The following HS6ST3 variants were observed in gnomAD, a reference collection of about 807,000 sequenced individuals.
HS6ST3 encodes heparan sulfate 6-O-sulfotransferase 3.
In HS6ST3, 12 loss-of-function variants were observed where a neutral mutation model predicts 36.7. The observed-to-expected ratio is 0.33, with a 90% CI of 0.21 to 0.53. HS6ST3 has a LOEUF of 0.53. Among genes scored for constraint, HS6ST3 ranks in the 20% least tolerant of loss-of-function variants. The probability of loss-of-function intolerance (pLI) is 0.95; values close to 1 mark genes in which losing one functional copy is unlikely to be tolerated. For synonymous variants in HS6ST3, 240 were observed against 257.5 expected, an observed-to-expected ratio of 0.93 and a Z score of 0.65; for missense variants, 584 against 640.9, an observed-to-expected ratio of 0.91 and a Z score of 0.96.
intron 1 of HS6ST3, among the ~76,000 whole-genome samples, chr13:96,154,064 G>T (rs1407797713): frequency 2.0e-5 from 3 of 152,006 alleles, no homozygotes; most frequent in Non-Finnish European, 4.4e-5. Flanking sequence ...AATAAAATGA[G>T]ATATTTTATA....
intron 1 of HS6ST3, among the ~76,000 whole-genome samples, chr13:96,583,204 CTT>C (rs71292889): frequency 3.8e-5 from 2 of 52,922 alleles, no homozygotes; most frequent in South Asian, 1.2e-3. Context: ...TTTTTCTTTT[CTT>C]TTTTTTTTTT....
At chr13:96,428,150 G>T (rs529150528) in intron 1 of HS6ST3, among the ~76,000 whole-genome samples, 1 of 152,018 alleles carries the variant, frequency 6.6e-6, no homozygotes, top group South Asian at 2.1e-4. Context: ...GATCAAGACT[G>T]TCCTGGCTTA....
chr13:96,617,949 A>G (rs1228918236), intron 1 of HS6ST3, among the ~76,000 whole-genome samples: 1 of 152,238 alleles, frequency 6.6e-6, no homozygotes, highest in African/African-American at 2.4e-5. Context: ...ATCTTAGGAA[A>G]GTCCAGGTAA....
chr13:96,302,195 T>G (rs2054886929), intron 1 of HS6ST3, among the ~76,000 whole-genome samples: 1 of 152,038 alleles, frequency 6.6e-6, no homozygotes, highest in African/African-American at 2.4e-5. Context: ...TAAAACTCTA[T>G]TTGACTACCA....
intron 1 of HS6ST3, among the ~76,000 whole-genome samples, chr13:96,696,157 T>C (rs1409852265): frequency 6.6e-6 from 1 of 152,180 alleles, no homozygotes; most frequent in African/African-American, 2.4e-5. Context: ...TAGACAAATA[T>C]GAAATCCATA....
intron 1 of HS6ST3, among the ~76,000 whole-genome samples, chr13:96,789,778 C>A (rs1470138871): frequency 6.6e-6 from 1 of 151,506 alleles, no homozygotes; most frequent in Admixed American, 6.6e-5. Flanking sequence ...AAAAACCCAG[C>A]CATTTCAATC....
intron 1 of HS6ST3, among the ~76,000 whole-genome samples, chr13:96,759,256 C>G (rs909998733): frequency 6.6e-6 from 1 of 151,712 alleles, no homozygotes; most frequent in African/African-American, 2.4e-5. Context: ...AAAATTGCTG[C>G]CTTTTAATTG....
At chr13:96,616,443 A>C (rs902637334) in intron 1 of HS6ST3, among the ~76,000 whole-genome samples, 6 of 152,112 alleles carry the variant, frequency 3.9e-5, no homozygotes, top group African/African-American at 1.4e-4. Context: ...ATACCTTCTT[A>C]TTATCAGCAC....
intron 1 of HS6ST3, among the ~76,000 whole-genome samples, chr13:96,276,283 A>G (rs2054748231): frequency 6.6e-6 from 1 of 152,050 alleles, no homozygotes. Context: ...GTTCTGTGGA[A>G]CTGGACCCAA....
chr13:96,347,289 A>T (rs1489567239), intron 1 of HS6ST3, among the ~76,000 whole-genome samples: 1 of 152,236 alleles, frequency 6.6e-6, no homozygotes, highest in Non-Finnish European at 1.5e-5. Context: ...CAAAGCATCC[A>T]TTCTGTCATG....
At chr13:96,490,878 T>C (rs1011603827) in intron 1 of HS6ST3, among the ~76,000 whole-genome samples, 1 of 152,274 alleles carries the variant, frequency 6.6e-6, no homozygotes, top group Non-Finnish European at 1.5e-5. Flanking sequence ...TGCTACTTGC[T>C]GTCCCAGCAA....
intron 1 of HS6ST3, among the ~76,000 whole-genome samples, chr13:96,101,131 A>G (rs1288414228): frequency 1.3e-5 from 2 of 152,198 alleles, no homozygotes; most frequent in Admixed American, 6.5e-5. Flanking sequence ...AGATTTGGCC[A>G]GTCGTATCTA....
intron 1 of HS6ST3, among the ~76,000 whole-genome samples, chr13:96,618,769 T>C (rs993263343): frequency 6.6e-6 from 1 of 152,174 alleles, no homozygotes; most frequent in Non-Finnish European, 1.5e-5. Flanking sequence ...ATTCAAGCCT[T>C]GAACTGTATA....
At position 96,668,582 on chromosome 13, in the gene HS6ST3, TTA is replaced by T. The variant is rs369226045; in HGVS notation, c.708-163906_708-163905del. On this transcript the variant is annotated intron_variant, in intron 1 of 1. Coordinates refer to ENST00000376705, the MANE Select transcript of HS6ST3 (RefSeq NM_153456.4). ...ATTCTATCCCATTCCTGGCAAAATC[TTA>T]TTGGAGACAGAAGAACTGGCCAGTG... Among the ~76,000 whole-genome samples, 27 of 151,788 alleles carry T rather than the reference TTA, an allele frequency of 1.8e-4. No individual in the cohort carries two copies. The East Asian group carries it at 5.1e-3, about 29-fold the overall frequency.
intron 1 of HS6ST3, among the ~76,000 whole-genome samples, chr13:96,220,115 G>A (rs1402265245): frequency 6.6e-6 from 1 of 152,192 alleles, no homozygotes; most frequent in Non-Finnish European, 1.5e-5. Context: ...AAAGCAGACT[G>A]CACCCTTTTG....
intron 1 of HS6ST3, among the ~76,000 whole-genome samples, chr13:96,726,590 G>A (rs1225727021): frequency 6.6e-6 from 1 of 152,046 alleles, no homozygotes; most frequent in Non-Finnish European, 1.5e-5. Flanking sequence ...AGTTATTCTT[G>A]TAGCTTTTCT....
At chr13:96,185,823 G>T (rs1280777809) in intron 1 of HS6ST3, among the ~76,000 whole-genome samples, 1 of 152,168 alleles carries the variant, frequency 6.6e-6, no homozygotes, top group African/African-American at 2.4e-5. Flanking sequence ...GTGTTTGCTT[G>T]CCTTAGGTGG....
intron 1 of HS6ST3, among the ~76,000 whole-genome samples, chr13:96,451,392 G>A (rs2055727481): frequency 6.6e-6 from 1 of 152,122 alleles, no homozygotes; most frequent in Non-Finnish European, 1.5e-5. Flanking sequence ...GCATAGTCAT[G>A]TTATCCAATC....
intron 1 of HS6ST3, among the ~76,000 whole-genome samples, chr13:96,766,774 C>T (rs941878021): frequency 6.6e-6 from 1 of 152,130 alleles, no homozygotes; most frequent in Non-Finnish European, 1.5e-5. Flanking sequence ...CCATCCCCAG[C>T]CATGATGTTT....
Sources: gnomAD v4.1 joint callset for allele counts (sites outside exome capture counted in the v4.1 genomes callset) on GRCh38, gnomAD v4.1.1 for gene constraint, MANE v1.5 for transcripts, NCBI Gene and HGNC (gene_info 2026-07-23, HGNC 2026-07-21) for gene names.